Variants in INPP4B observed in about 807,000 individuals in gnomAD.
The protein encoded by INPP4B is inositol polyphosphate-4-phosphatase type II B, also known as inositol polyphosphate 4-phosphatase type II.
In INPP4B, 55 loss-of-function variants were observed where a neutral mutation model predicts 122.5. The observed-to-expected ratio is 0.45, with a 90% CI of 0.36 to 0.56. The LOEUF is 0.56. Ranked by LOEUF, INPP4B falls within the 20% of genes least tolerant of loss-of-function variation. The pLI is 0.00. For synonymous variants in INPP4B, 403 were observed against 388.7 expected, an observed-to-expected ratio of 1.04 and a Z score of -0.43; for missense variants, 1,000 against 1,097.7, an observed-to-expected ratio of 0.91 and a Z score of 1.26.
At chr4:142,590,422 C>A (rs1024943178) in intron 2 of INPP4B, among the ~76,000 whole-genome samples, 1 of 152,142 alleles carries the variant, frequency 6.6e-6, no homozygotes, top group Non-Finnish European at 1.5e-5. Context: ...AGACTGAAGA[C>A]AAAAGGATCT....
chr4:142,587,516 G>A (rs982234602), intron 2 of INPP4B, among the ~76,000 whole-genome samples: 5 of 152,106 alleles, frequency 3.3e-5, no homozygotes, highest in African/African-American at 9.6e-5. Flanking sequence ...ATTAAAAGAA[G>A]AAATGATACC....
At chr4:142,349,353 T>G (rs1781273565) in intron 7 of INPP4B, among the ~76,000 whole-genome samples, 1 of 152,024 alleles carries the variant, frequency 6.6e-6, no homozygotes, top group Non-Finnish European at 1.5e-5. Context: ...ATGCTTCATT[T>G]TTGTCTGTAT....
chr4:142,488,980 T>G (rs189296902), intron 2 of INPP4B, among the ~76,000 whole-genome samples: 1 of 152,236 alleles, frequency 6.6e-6, no homozygotes, highest in Non-Finnish European at 1.5e-5. Flanking sequence ...CTTTTGTATT[T>G]TAAGCATTTA....
At position 142,326,745 on chromosome 4, in the gene INPP4B, GA is replaced by G. The variant is rs373764093; in HGVS notation, c.373-11984del. ...TGTAAAACTTATAGTTGATATATAA[GA>G]ATAATGGAAGCAAAGAAATAATAAC... is the stretch of plus-strand genomic sequence containing the variant. On this transcript the variant is annotated intron_variant, in intron 7 of 25. Transcript: ENST00000262992. Among the ~76,000 whole-genome samples, 646 of 152,288 alleles carry G rather than the reference GA, an allele frequency of 4.2e-3. 8 individuals are homozygous for G. Among genetic ancestry groups the G allele is most frequent in the African/African-American group, 0.014 (598 of 41,562 alleles).
intron 11 of INPP4B, among the ~76,000 whole-genome samples, chr4:142,238,849 T>A (rs1857840682): frequency 6.6e-6 from 1 of 152,144 alleles, no homozygotes. Context: ...GAGAATTTCA[T>A]TTCCATTGCT....
At chr4:142,443,432 G>T (rs1370301323) in intron 3 of INPP4B, among the ~76,000 whole-genome samples, 2 of 152,068 alleles carry the variant, frequency 1.3e-5, no homozygotes, top group African/African-American at 4.8e-5. Flanking sequence ...CTGACCTTAG[G>T]TGAAGACTCA....
At chr4:142,753,922 T>G (rs1770112427) in intron 1 of INPP4B, among the ~76,000 whole-genome samples, 1 of 152,028 alleles carries the variant, frequency 6.6e-6, no homozygotes, top group Admixed American at 6.6e-5. Flanking sequence ...TCAAGTATAA[T>G]TCTCCTTCTA....
intron 15 of INPP4B, among the ~76,000 whole-genome samples, chr4:142,181,996 TC>T: frequency 6.6e-6 from 1 of 152,186 alleles, no homozygotes; most frequent in Non-Finnish European, 1.5e-5. Context: ...TTTATTTCTC[TC>T]TGGTGGATAG....
At chr4:142,301,520 C>A (rs945121389) in intron 9 of INPP4B, among the ~76,000 whole-genome samples, 3 of 152,090 alleles carry the variant, frequency 2.0e-5, no homozygotes, top group African/African-American at 7.2e-5. Context: ...GAATTTTAGA[C>A]AAGTTGCTAT....
chr4:142,475,474 A>G (rs78651295), intron 2 of INPP4B, among the ~76,000 whole-genome samples: 4,124 of 152,248 alleles, frequency 0.027, 218 homozygotes, highest in African/African-American at 0.094. Flanking sequence ...CTTACCCAGA[A>G]ATGGTTCTTA....
intron 1 of INPP4B, among the ~76,000 whole-genome samples, chr4:142,806,824 A>G (rs1307787452): frequency 6.7e-6 from 1 of 149,802 alleles, no homozygotes; most frequent in South Asian, 2.1e-4. Context: ...AGAAAGAAAG[A>G]AAGAAAGAAA....
intron 2 of INPP4B, among the ~76,000 whole-genome samples, chr4:142,720,852 G>C (rs1764547930): frequency 9.9e-6 from 1 of 100,506 alleles, no homozygotes; most frequent in African/African-American, 3.5e-5. Context: ...TTTATTTTTT[G>C]AGACAGGGTC....
chr4:142,220,303 T>C (rs1308888892), intron 12 of INPP4B, among the ~76,000 whole-genome samples: 2 of 152,196 alleles, frequency 1.3e-5, no homozygotes, highest in African/African-American at 4.8e-5. Flanking sequence ...TTCATATGGC[T>C]CAACAGAGCC....
chr4:142,576,785 GGA>G (rs1364900614), intron 2 of INPP4B, among the ~76,000 whole-genome samples: 1 of 151,850 alleles, frequency 6.6e-6, no homozygotes, highest in African/African-American at 2.4e-5. Flanking sequence ...TCAAATACAA[GGA>G]ACAGTTTAAA....
intron 7 of INPP4B, among the ~76,000 whole-genome samples, chr4:142,376,080 T>C (rs971042950): frequency 4.6e-5 from 7 of 152,086 alleles, no homozygotes; most frequent in Non-Finnish European, 8.8e-5. Flanking sequence ...GGCCTGTGCA[T>C]ATGTCATTTC....
chr4:142,402,088 G>A (rs1801800240), intron 7 of INPP4B, among the ~76,000 whole-genome samples: 2 of 152,162 alleles, frequency 1.3e-5, no homozygotes. Context: ...GATTCCCCAG[G>A]TCCAGCAGCA....
In INPP4B at chr4:142,431,192, T is replaced by C; in HGVS notation, c.68A>G (p.Asp23Gly). The C allele has an allele frequency of 6.2e-7, 1 of 1,613,226 alleles. No homozygotes were observed. The highest frequency in any genetic ancestry group is 8.5e-7 in the Non-Finnish European group (1 of 1,179,352). The stretch of plus-strand genomic sequence containing the variant: ...ACTTGTGAACTGACAGTCCCCGGGA[T>C]CATTGGCCTGGGCTGTAGGAAGAAA... The part of the protein sequence containing the change: ...QHFLPTAQAN[D>G]PGDCQFTSIQ... Residue 23 changes from aspartate to glycine, a missense_variant, in exon 4 of 26, where the codon GAT becomes GGT. Coordinates refer to ENST00000262992, the MANE Select transcript of INPP4B (RefSeq NM_001101669.3).
At chr4:142,697,839 A>G (rs778105623) in intron 2 of INPP4B, among the ~76,000 whole-genome samples, 12 of 152,280 alleles carry the variant, frequency 7.9e-5, no homozygotes, top group Non-Finnish European at 1.3e-4. Context: ...CTAGGCCATG[A>G]CTTACTTAAA....
chr4:142,315,632 A>G (rs1276233995), intron 7 of INPP4B, among the ~76,000 whole-genome samples: 1 of 151,540 alleles, frequency 6.6e-6, no homozygotes, highest in Non-Finnish European at 1.5e-5. Flanking sequence ...ACACATTTCA[A>G]ATAAAAAAAG....
Sources: allele counts gnomAD v4.1 joint callset (sites outside exome capture counted in the v4.1 genomes callset), GRCh38; gene constraint gnomAD v4.1.1; transcripts MANE v1.5; gene names NCBI Gene and HGNC (gene_info 2026-07-23, HGNC 2026-07-21).